RANBP17: variants seen among roughly 807,000 people sequenced by gnomAD.
The protein encoded by RANBP17 is ran-binding protein 17.
RANBP17 carries 158 observed loss-of-function variants against 141.2 expected under a neutral mutation model. That is an observed-to-expected ratio of 1.12 (90% CI 0.98 to 1.28). The LOEUF (loss-of-function observed/expected upper bound fraction) is 1.28, where lower values mean the gene tolerates loss of function less well. RANBP17 is among the 50% of genes most tolerant of loss of function. The pLI is 0.00. For missense variants in RANBP17, 1,438 were observed against 1,290.7 expected, an observed-to-expected ratio of 1.11 and a Z score of -1.75; for synonymous variants, 430 against 450.0, an observed-to-expected ratio of 0.96 and a Z score of 0.56.
intron 22 of RANBP17, among the ~76,000 whole-genome samples, chr5:171,223,615 A>T (rs528067162): frequency 8.5e-5 from 13 of 152,224 alleles, no homozygotes; most frequent in Admixed American, 2.0e-4. Context: ...AGCCTGGGCA[A>T]CAAGAGTGAA....
chr5:171,077,624 T>C (rs1305960026), intron 14 of RANBP17, among the ~76,000 whole-genome samples: 1 of 152,228 alleles, frequency 6.6e-6, no homozygotes, highest in Non-Finnish European at 1.5e-5. Context: ...GGTTAGAATT[T>C]GAGGCTGATG....
In RANBP17 at chr5:170,924,495, C is replaced by G; in HGVS notation, c.1413C>G (p.Tyr471Ter). The part of the protein sequence containing the change: ...VQLFDQNAQN[Y>*]QKLLHPYSGV... The stretch of plus-strand genomic sequence containing the variant: ...TATTCGACCAAAATGCACAGAATTA[C>G]CAAAAACTTCTGCATCCATATTCTG... The change falls in exon 12 of 28, where the codon TAC becomes TAG. Residue 471 changes from tyrosine to a stop codon, truncating the protein, a stop_gained. Transcript: ENST00000523189. LOFTEE classifies it high-confidence loss of function. 2 of 1,612,728 alleles carry G rather than the reference C, an allele frequency of 1.2e-6. No individual in the cohort carries two copies. The highest frequency in any genetic ancestry group is 4.5e-5 in the East Asian group (2 of 44,858).
chr5:171,295,886 G>A lies in RANBP17; in HGVS notation c.3043-1G>A, dbSNP rs781195251. The A allele has an allele frequency of 6.2e-7, 1 of 1,612,620 alleles. No individual in the cohort carries two copies. The highest frequency in any genetic ancestry group is 1.1e-5 in the South Asian group (1 of 90,964). On this transcript the variant is annotated splice_acceptor_variant, in intron 26 of 27. Transcript: ENST00000523189. LOFTEE classifies it high-confidence loss of function. ...TCTGACACTATTCTGTCTCCCATCA[G>A]TATTTCAGTGAACTGAGAGCAAGTT...
intron 2 of RANBP17, among the ~76,000 whole-genome samples, chr5:170,878,467 G>T (rs1768380069): frequency 6.6e-6 from 1 of 152,134 alleles, no homozygotes; most frequent in South Asian, 2.1e-4. Flanking sequence ...AATGAATTGA[G>T]ATAGTTTCTT....
In RANBP17 at chr5:171,274,131, TGTGTGTGTGTGTGTGTGTGCGC is replaced by T. The variant is rs1226603538; in HGVS notation, c.2943+8286_2943+8307del. Among the ~76,000 whole-genome samples, 272 of 128,004 alleles carry T rather than the reference TGTGTGTGTGTGTGTGTGTGCGC, an allele frequency of 2.1e-3. 1 individual carries two copies. The highest frequency in any genetic ancestry group is 6.9e-3 in the African/African-American group (240 of 34,904). The allele number at this position is 128,004 out of a possible 152,430, so 84.0% of individuals were successfully genotyped here. ...GATCAAGTGTGTGTGTGTGTGTGTGTGTGTGTGTGTGTGTGTGTGCGCGCGCGCGCGCGTGCGCAAAATCTAA... is the reference window on the plus strand; with the variant it reads ...GATCAAGTGTGTGTGTGTGTGTGTGTGCGCGCGCGCGTGCGCAAAATCTAA... On this transcript the variant is annotated intron_variant, in intron 25 of 27. Coordinates refer to ENST00000523189, the MANE Select transcript of RANBP17 (RefSeq NM_022897.5).
In RANBP17 at chr5:171,120,343, T is replaced by C. The variant is rs550336610; in HGVS notation, c.1711-49787T>C. On this transcript the variant is annotated intron_variant, in intron 14 of 27. Transcript: ENST00000523189. ...TTTCCCTGCACATGTCCAGAGATGC[T>C]GTCTGGGAGCCAGGAATTGGAGTAA... 2.0e-5 allele frequency among the ~76,000 whole-genome samples: 3 copies of C among 152,324 alleles called. No homozygotes were observed. In the East Asian group the frequency reaches 5.8e-4, roughly 29 times the overall value.
intron 19 of RANBP17, among the ~76,000 whole-genome samples, chr5:171,201,892 A>G (rs1314603958): frequency 6.6e-6 from 1 of 152,260 alleles, no homozygotes; most frequent in African/African-American, 2.4e-5. Context: ...AGTACTAGAG[A>G]TAAAAACATT....
At chr5:170,947,173 C>G (rs1037568794) in intron 12 of RANBP17, among the ~76,000 whole-genome samples, 6 of 152,142 alleles carry the variant, frequency 3.9e-5, no homozygotes, top group African/African-American at 1.4e-4. Flanking sequence ...ATTACTATTA[C>G]CATTCATTAT....
At chr5:170,935,332 A>C (rs1023734983) in intron 12 of RANBP17, among the ~76,000 whole-genome samples, 4 of 152,166 alleles carry the variant, frequency 2.6e-5, no homozygotes, top group Non-Finnish European at 5.9e-5. Flanking sequence ...TTCTCTGTCC[A>C]GCTTTGTTCC....
rs188329303 is a variant in RANBP17 at position 171,000,451 on chromosome 5, C to T, written c.1710+32074C>T. Among the ~76,000 whole-genome samples, 126 of 151,852 alleles carry T rather than the reference C, an allele frequency of 8.3e-4. 1 individual carries two copies. The Middle Eastern group carries it at 0.014, about 16-fold the overall frequency. On this transcript the variant is annotated intron_variant, in intron 14 of 27. Transcript: ENST00000523189. The stretch of plus-strand genomic sequence containing the variant: ...ACAAAATATGTATAAATTCTGTTTA[C>T]AAAAAAAATGATGTAGCTATAGTCA...
At chr5:170,941,893 C>T (rs1490038004) in intron 12 of RANBP17, among the ~76,000 whole-genome samples, 6 of 152,114 alleles carry the variant, frequency 3.9e-5, no homozygotes, top group Admixed American at 2.6e-4. Flanking sequence ...ACCCATTGAC[C>T]TGACCCTTGA....
chr5:171,234,718 A>G (rs1764428123), intron 22 of RANBP17, among the ~76,000 whole-genome samples: 1 of 152,226 alleles, frequency 6.6e-6, no homozygotes, highest in African/African-American at 2.4e-5. Context: ...AGTAGTTGCC[A>G]TCAACTGAGA....
chr5:170,988,529 G>A (rs192899264), intron 14 of RANBP17, among the ~76,000 whole-genome samples: 154 of 151,554 alleles, frequency 1.0e-3, no homozygotes, highest in Non-Finnish European at 1.7e-3. Flanking sequence ...TAAATTTTAC[G>A]ACTTGAAAAC....
chr5:171,141,927 CTT>C (rs1757731436), intron 14 of RANBP17, among the ~76,000 whole-genome samples: 2 of 152,048 alleles, frequency 1.3e-5, no homozygotes, highest in East Asian at 1.9e-4. Context: ...TTGGTTAACT[CTT>C]TGTTTTCTTT....
chr5:171,053,368 A>G (rs1783095530), intron 14 of RANBP17, among the ~76,000 whole-genome samples: 1 of 152,020 alleles, frequency 6.6e-6, no homozygotes, highest in Non-Finnish European at 1.5e-5. Context: ...CTTCCCTTCT[A>G]ATAGTCCCCA....
chr5:171,062,762 C>G (rs1367227305), intron 14 of RANBP17, among the ~76,000 whole-genome samples: 2 of 152,328 alleles, frequency 1.3e-5, no homozygotes, highest in African/African-American at 4.8e-5. Flanking sequence ...TGTTTTCCAA[C>G]TTGTTTCCAT....
intron 1 of RANBP17, among the ~76,000 whole-genome samples, chr5:170,867,516 G>A (rs1397745902): frequency 2.0e-5 from 3 of 152,066 alleles, no homozygotes; most frequent in African/African-American, 7.2e-5. Context: ...TCAGGAAAAG[G>A]TAGTAAGAGG....
intron 14 of RANBP17, among the ~76,000 whole-genome samples, chr5:171,057,182 A>G (rs990618129): frequency 8.5e-5 from 13 of 152,160 alleles, no homozygotes; most frequent in African/African-American, 3.1e-4. Context: ...TGTTCAATTT[A>G]TGGAAAAACT....
intron 11 of RANBP17, among the ~76,000 whole-genome samples, chr5:170,920,720 A>G (rs1275990034): frequency 6.6e-6 from 1 of 152,186 alleles, no homozygotes; most frequent in Non-Finnish European, 1.5e-5. Flanking sequence ...CCAACAGTGT[A>G]AAAGCATTCC....
Sources: allele counts gnomAD v4.1 joint callset (sites outside exome capture counted in the v4.1 genomes callset), GRCh38; gene constraint gnomAD v4.1.1; transcripts MANE v1.5; gene names NCBI Gene and HGNC (gene_info 2026-07-23, HGNC 2026-07-21).